The following DCC variants were observed in gnomAD, a reference collection of about 807,000 sequenced individuals.
DCC encodes the protein netrin receptor DCC.
A neutral mutation model predicts 172.5 loss-of-function variants in DCC; 58 were observed. The observed-to-expected ratio is 0.34, with a 90% CI of 0.27 to 0.42. The LOEUF (loss-of-function observed/expected upper bound fraction) is 0.42, where lower values mean the gene tolerates loss of function less well. DCC is among the 10% of genes least tolerant of loss of function. The pLI is 1.00. For missense variants in DCC, 1,740 were observed against 1,791.0 expected, an observed-to-expected ratio of 0.97 and a Z score of 0.51; for synonymous variants, 709 against 644.5, an observed-to-expected ratio of 1.10 and a Z score of -1.52.
At chr18:52,552,917 A>C (rs2032815269) in intron 1 of DCC, among the ~76,000 whole-genome samples, 1 of 152,124 alleles carries the variant, frequency 6.6e-6, no homozygotes, top group Non-Finnish European at 1.5e-5. Context: ...AAAATATTTT[A>C]AACATAATGT....
chr18:52,398,605 C>T (rs1986321189), intron 1 of DCC, among the ~76,000 whole-genome samples: 1 of 152,032 alleles, frequency 6.6e-6, no homozygotes, highest in Non-Finnish European at 1.5e-5. Flanking sequence ...AGAGAGGCAA[C>T]ATATATGGTC....
At chr18:53,075,542 CAT>C (rs1491509922) in intron 7 of DCC, among the ~76,000 whole-genome samples, 1 of 137,230 alleles carries the variant, frequency 7.3e-6, no homozygotes, top group Non-Finnish European at 1.5e-5. Flanking sequence ...AGTGTTATCC[CAT>C]TTTTTTTTTT....
At chr18:52,890,196 A>C (rs1435440071) in intron 2 of DCC, among the ~76,000 whole-genome samples, 1 of 152,142 alleles carries the variant, frequency 6.6e-6, no homozygotes, top group African/African-American at 2.4e-5. Flanking sequence ...ACAAATATTT[A>C]CTGAGTGTCT....
In DCC at chr18:52,911,831, G is replaced by T. The variant is rs571402375; in HGVS notation, c.697+5503G>T. Reference sequence around the variant, plus strand: ...TCTTATACCAGGGTATAAACAGGGTGCACTTAGCCTTTCATAGATTTAAGA... The same window carrying T: ...TCTTATACCAGGGTATAAACAGGGTTCACTTAGCCTTTCATAGATTTAAGA... On this transcript the variant is annotated intron_variant, in intron 3 of 28. Coordinates refer to ENST00000442544, the MANE Select transcript of DCC (RefSeq NM_005215.4). Among the ~76,000 whole-genome samples, 119 of 151,920 alleles carry T rather than the reference G, an allele frequency of 7.8e-4. 3 individuals carry two copies. In the South Asian group the frequency reaches 0.019, roughly 25 times the overall value.
chr18:53,491,820 A>G (rs1568165708), intron 26 of DCC, among the ~76,000 whole-genome samples: 1 of 152,056 alleles, frequency 6.6e-6, no homozygotes, highest in Non-Finnish European at 1.5e-5. Flanking sequence ...AGAATGATTT[A>G]TAATCCTTTG....
At chr18:53,368,640 A>T (rs2058030160) in intron 15 of DCC, among the ~76,000 whole-genome samples, 1 of 152,012 alleles carries the variant, frequency 6.6e-6, no homozygotes, top group South Asian at 2.1e-4. Flanking sequence ...AAAGGGTCCA[A>T]CTTCAACCAT....
chr18:52,880,016 T>G, intron 2 of DCC, among the ~76,000 whole-genome samples: 1 of 152,208 alleles, frequency 6.6e-6, no homozygotes, highest in East Asian at 1.9e-4. Context: ...AGATTTTTCC[T>G]TTGTGTTACA....
At chr18:52,579,155 G>C in intron 1 of DCC, among the ~76,000 whole-genome samples, 1 of 152,244 alleles carries the variant, frequency 6.6e-6, no homozygotes, top group South Asian at 2.1e-4. Context: ...AGAATAAATT[G>C]ATTTTTTGAT....
At chr18:53,184,452 A>G (rs1211320258) in intron 9 of DCC, among the ~76,000 whole-genome samples, 4 of 152,072 alleles carry the variant, frequency 2.6e-5, no homozygotes, top group Non-Finnish European at 5.9e-5. Context: ...CTACACACCT[A>G]GGCTCTATGG....
At chr18:53,316,759 G>A (rs2057348523) in intron 13 of DCC, among the ~76,000 whole-genome samples, 1 of 151,490 alleles carries the variant, frequency 6.6e-6, no homozygotes, top group Admixed American at 6.6e-5. Context: ...GCTATTATCG[G>A]TGTATAGGAA....
At chr18:53,117,731 A>G (rs967045256) in intron 7 of DCC, among the ~76,000 whole-genome samples, 1 of 151,702 alleles carries the variant, frequency 6.6e-6, no homozygotes, top group African/African-American at 2.4e-5. Context: ...TTTGCAGGCC[A>G]CGTGATCTCT....
rs540479493 is a variant in DCC, at chr18:53,106,284, G to GT, written c.1261+40119dup. On this transcript the variant is annotated intron_variant, in intron 7 of 28. Transcript: ENST00000442544. ...CATTTTGCCATCTGCCAAATGCAGA[G>GT]TGGAATGTCCTGTTCCCAGCTTTCT... 7.9e-5 allele frequency among the ~76,000 whole-genome samples: 12 copies of GT among 152,078 alleles called. No individual in the cohort carries two copies. In the South Asian group the frequency reaches 2.5e-3, roughly 32 times the overall value.
intron 21 of DCC, among the ~76,000 whole-genome samples, chr18:53,426,264 C>T (rs938812925): frequency 7.1e-6 from 1 of 140,654 alleles, no homozygotes; most frequent in African/African-American, 2.6e-5. Flanking sequence ...TATATAAATA[C>T]ATATATATTT....
intron 1 of DCC, among the ~76,000 whole-genome samples, chr18:52,611,591 G>C (rs911385270): frequency 1.2e-4 from 19 of 152,076 alleles, no homozygotes; most frequent in African/African-American, 4.6e-4. Flanking sequence ...TCTTCATGTT[G>C]GGTGTCTCCT....
intron 25 of DCC, among the ~76,000 whole-genome samples, chr18:53,472,045 A>T (rs1352930336): frequency 6.6e-6 from 1 of 152,132 alleles, no homozygotes; most frequent in Non-Finnish European, 1.5e-5. Context: ...CAAATGAAAG[A>T]ATTAATAGTT....
At chr18:52,459,478 T>C (rs1180864066) in intron 1 of DCC, among the ~76,000 whole-genome samples, 2 of 152,034 alleles carry the variant, frequency 1.3e-5, no homozygotes, top group Non-Finnish European at 2.9e-5. Flanking sequence ...CTTTCTTTCT[T>C]TCTTTTTGAA....
chr18:52,557,770 A>T (rs2032947651), intron 1 of DCC, among the ~76,000 whole-genome samples: 2 of 152,054 alleles, frequency 1.3e-5, no homozygotes, highest in South Asian at 4.1e-4. Context: ...AGCCATTCTC[A>T]TGCCTCAGCC....
chr18:53,045,988 C>A (rs2042232743), intron 5 of DCC, among the ~76,000 whole-genome samples: 1 of 151,802 alleles, frequency 6.6e-6, no homozygotes, highest in Admixed American at 6.6e-5. Flanking sequence ...CCGTTTCACA[C>A]ATACAAATGC....
chr18:53,042,974 C>A (rs748879283), intron 5 of DCC, among the ~76,000 whole-genome samples: 6 of 151,800 alleles, frequency 4.0e-5, no homozygotes, highest in Non-Finnish European at 7.4e-5. Context: ...TGGGCATATA[C>A]CCAAAGGATT....
Sources: gnomAD v4.1 joint callset for allele counts (sites outside exome capture counted in the v4.1 genomes callset) on GRCh38, gnomAD v4.1.1 for gene constraint, MANE v1.5 for transcripts, NCBI Gene and HGNC (gene_info 2026-07-23, HGNC 2026-07-21) for gene names.